The following FAM20C variants were observed in gnomAD, a reference collection of about 807,000 sequenced individuals.
FAM20C encodes the protein extracellular serine/threonine protein kinase FAM20C.
In FAM20C, 40 loss-of-function variants were observed where a neutral mutation model predicts 51.5. The ratio of observed to expected loss-of-function variants is 0.78; its 90% CI spans 0.60 to 1.01. FAM20C has a LOEUF of 1.01. Among genes scored for constraint, FAM20C ranks in the 50% least tolerant of loss-of-function variants. FAM20C has a pLI of 0.00. For missense variants in FAM20C, 861 were observed against 844.7 expected (o/e 1.02, Z -0.24); for synonymous variants, 406 against 380.6 (o/e 1.07, Z -0.78).
Position 248,611 on chromosome 7 carries a change from G to C in FAM20C, c.1072+181G>C, listed in dbSNP as rs1435328469. ...ACGGGGGGCCGCATTCATCTCTTCAGGTAGCCTGGCACGGGGAGCCCACAT... is the reference window on the plus strand; with the variant it reads ...ACGGGGGGCCGCATTCATCTCTTCACGTAGCCTGGCACGGGGAGCCCACAT... On this transcript the variant is annotated intron_variant, in intron 5 of 9. Coordinates refer to ENST00000313766, the MANE Select transcript of FAM20C (RefSeq NM_020223.4). 2.1e-5 allele frequency among the ~76,000 whole-genome samples: 3 copies of C among 140,134 alleles called. No homozygotes were observed. The East Asian group carries it at 6.5e-4, about 30-fold the overall frequency. The allele number at this position is 140,134 out of a possible 152,430, so 91.9% of individuals were successfully genotyped here. A position where few individuals can be genotyped will look rare whatever the true frequency, so the allele number is the denominator to read the frequency against.
At chr7:231,870 C>G (rs903467158) in intron 3 of FAM20C, among the ~76,000 whole-genome samples, 2 of 152,120 alleles carry the variant, frequency 1.3e-5, no homozygotes, top group Non-Finnish European at 2.9e-5. Flanking sequence ...GCCTCAGTTT[C>G]CCATCTGTGC....
intron 3 of FAM20C, among the ~76,000 whole-genome samples, chr7:211,222 C>T (rs73251085): frequency 0.11 from 15,698 of 142,890 alleles, 1,257 homozygotes; most frequent in African/African-American, 0.19. Context: ...AGCCTCCCCT[C>T]GGACCTTCCC....
chr7:211,255 C>A (rs1786696196), intron 3 of FAM20C, among the ~76,000 whole-genome samples: 1 of 150,522 alleles, frequency 6.6e-6, no homozygotes, highest in South Asian at 2.1e-4. Flanking sequence ...GACCTCCCCC[C>A]AGCCTCCTCC....
At chr7:219,476 G>C (rs1787154095) in intron 3 of FAM20C, among the ~76,000 whole-genome samples, 1 of 151,390 alleles carries the variant, frequency 6.6e-6, no homozygotes, top group Non-Finnish European at 1.5e-5. Context: ...CTGTCGGCGG[G>C]GTCTGAGGGA....
intron 2 of FAM20C, among the ~76,000 whole-genome samples, chr7:199,782 C>T (rs548744124): frequency 6.6e-5 from 10 of 152,144 alleles, no homozygotes; most frequent in African/African-American, 9.7e-5. Context: ...AGCTTGAAAT[C>T]GGGCATGCAG....
intron 5 of FAM20C, among the ~76,000 whole-genome samples, chr7:250,406 G>A (rs1261464466): frequency 6.6e-6 from 1 of 152,126 alleles, no homozygotes; most frequent in African/African-American, 2.4e-5. Context: ...GCCCACTGGT[G>A]CCTGGCCCTA....
At chr7:227,798 A>C (rs1220526480) in intron 3 of FAM20C, 1 of 152,342 alleles carries the variant, frequency 6.6e-6, no homozygotes, top group East Asian at 1.9e-4. Context: ...TTTTGAAATA[A>C]AGTCTAAACC....
chr7:207,450 G>A (rs1040195573), intron 2 of FAM20C, among the ~76,000 whole-genome samples: 2 of 152,210 alleles, frequency 1.3e-5, no homozygotes, highest in African/African-American at 2.4e-5. Flanking sequence ...GGGTCATGCC[G>A]TCCTCTGTGG....
At chr7:222,929 T>G (rs1787300616) in intron 3 of FAM20C, among the ~76,000 whole-genome samples, 1 of 152,112 alleles carries the variant, frequency 6.6e-6, no homozygotes, top group South Asian at 2.1e-4. Context: ...TGTGGGTGTG[T>G]GTACACACGT....
intron 2 of FAM20C, among the ~76,000 whole-genome samples, chr7:196,539 C>T (rs1785882867): frequency 6.6e-6 from 1 of 152,160 alleles, no homozygotes; most frequent in South Asian, 2.1e-4. Flanking sequence ...CCTGGGTGCA[C>T]ACAGCTGTGG....
intron 3 of FAM20C, among the ~76,000 whole-genome samples, chr7:214,578 G>A (rs1031424898): frequency 1.8e-4 from 27 of 152,184 alleles, no homozygotes; most frequent in Non-Finnish European, 2.8e-4. Flanking sequence ...ACAGAGCGAC[G>A]GGCCTGGCGT....
intron 3 of FAM20C, among the ~76,000 whole-genome samples, chr7:217,425 T>A (rs1787048826): frequency 6.6e-6 from 1 of 152,230 alleles, no homozygotes; most frequent in African/African-American, 2.4e-5. Context: ...AGGGTAGAGC[T>A]GCATTTGGCT....
intron 4 of FAM20C, among the ~76,000 whole-genome samples, chr7:246,769 C>T (rs952603719): frequency 6.6e-6 from 1 of 152,068 alleles, no homozygotes; most frequent in Non-Finnish European, 1.5e-5. Flanking sequence ...CCCTCTGTGT[C>T]ATCGTAGCCC....
At chr7:195,112 G>C in intron 1 of FAM20C, 1 of 162,942 alleles carries the variant, frequency 6.1e-6, no homozygotes, top group Non-Finnish European at 1.3e-5. Flanking sequence ...GTTCCTGACA[G>C]ACTGGGCGTG....
chr7:248,944 G>A (rs1357214411), intron 5 of FAM20C, among the ~76,000 whole-genome samples: 3 of 152,196 alleles, frequency 2.0e-5, no homozygotes, highest in African/African-American at 4.8e-5. Flanking sequence ...CACCTCCCAC[G>A]CAGGGGTGCC....
At chr7:246,783 CA>C (rs1290056674) in intron 4 of FAM20C, among the ~76,000 whole-genome samples, 3 of 152,118 alleles carry the variant, frequency 2.0e-5, no homozygotes, top group Non-Finnish European at 4.4e-5. Context: ...GTAGCCCACA[CA>C]ACACGCGGTA....
chr7:196,004 T>TC (rs1785849761), intron 2 of FAM20C, among the ~76,000 whole-genome samples: 1 of 152,152 alleles, frequency 6.6e-6, no homozygotes, highest in African/African-American at 2.4e-5. Context: ...ACCTGGGTGG[T>TC]CCCGGGGGTG....
chr7:246,557 ACC>A, intron 4 of FAM20C, 50 bp downstream of exon 4: 1 of 1,189,110 alleles, frequency 8.4e-7, no homozygotes, highest in Non-Finnish European at 1.1e-6. Flanking sequence ...GCTCAGACCC[ACC>A]GGTGAGTGAG....
At chr7:232,784 C>T (rs1445900874) in intron 3 of FAM20C, among the ~76,000 whole-genome samples, 14 of 152,346 alleles carry the variant, frequency 9.2e-5, no homozygotes, top group African/African-American at 2.9e-4. Context: ...GTGCCGGGAT[C>T]GTGTGCGTTG....
Sources: gnomAD v4.1 joint callset for allele counts (sites outside exome capture counted in the v4.1 genomes callset) on GRCh38, gnomAD v4.1.1 for gene constraint, MANE v1.5 for transcripts, NCBI Gene and HGNC (gene_info 2026-07-23, HGNC 2026-07-21) for gene names.